The following RBM6 variants were observed in gnomAD, a reference collection of about 807,000 sequenced individuals.
The protein encoded by RBM6 is RNA-binding protein 6.
In RBM6, 23 loss-of-function variants were observed where a neutral mutation model predicts 140.4. The observed-to-expected ratio is 0.16, with a 90% CI of 0.12 to 0.23. The LOEUF (loss-of-function observed/expected upper bound fraction) is 0.23. RBM6 is among the 10% of genes least tolerant of loss of function. The probability of loss-of-function intolerance (pLI) is 1.00; values close to 1 mark genes in which losing one functional copy is unlikely to be tolerated. For missense variants in RBM6, 1,139 were observed against 1,386.7 expected, an observed-to-expected ratio of 0.82 and a Z score of 2.84; for synonymous variants, 439 against 475.6, an observed-to-expected ratio of 0.92 and a Z score of 1.00.
At chr3:50,067,479 A>T (rs141143559) in intron 17 of RBM6, among the ~76,000 whole-genome samples, 1 of 152,318 alleles carries the variant, frequency 6.6e-6, no homozygotes, top group Non-Finnish European at 1.5e-5. Context: ...GTTGGACCTC[A>T]GATAAGCCCC....
chr3:49,968,235 G>A lies in RBM6; in HGVS notation c.810G>A (p.Arg270=). The stretch of plus-strand genomic sequence containing the variant: ...GATCTAGGACTGATCAGGATTTTAG[G>A]GGCAGAGAGATGGGATCTTGTATGG... ...RHRSRTDQDF[R]GREMGSCMEF... is the part of the protein sequence containing the mutation. The change falls in exon 3 of 21, where the codon AGG becomes AGA. Residue 270 remains arginine, a synonymous_variant. Coordinates refer to ENST00000266022, the MANE Select transcript of RBM6 (RefSeq NM_005777.3). 1.2e-6 allele frequency: 2 copies of A among 1,614,096 alleles called. No individual in the cohort carries two copies. Among genetic ancestry groups the A allele is most frequent in the South Asian group, 1.1e-5 (1 of 91,068 alleles).
chr3:49,972,976 A>G (rs1485728346), intron 4 of RBM6, among the ~76,000 whole-genome samples: 1 of 151,998 alleles, frequency 6.6e-6, no homozygotes, highest in Admixed American at 6.6e-5. Flanking sequence ...GACTACAGGC[A>G]CACACCACCA....
rs538270159 is a variant in RBM6, at chr3:50,070,223, C to T, written c.3019-232C>T. ...TAGAAAAATTAGCTGGGCATTGTGG[C>T]ACTCACCTGTAGTCCCAGCTACTTG... On this transcript the variant is annotated intron_variant, in intron 18 of 20. Transcript: ENST00000266022. 5.9e-5 allele frequency among the ~76,000 whole-genome samples: 9 copies of T among 152,168 alleles called. No homozygotes were observed. In the South Asian group the frequency reaches 1.9e-3, roughly 32 times the overall value.
In RBM6 at chr3:50,054,395, G is replaced by C; in HGVS notation, c.1693G>C (p.Val565Leu). The C allele has an allele frequency of 6.2e-7, 1 of 1,610,286 alleles. No homozygotes were observed. The highest frequency in any genetic ancestry group is 8.5e-7 in the Non-Finnish European group (1 of 1,176,524). ...TTCATTCTGCAAGAACCCAAGAGAA[G>C]GTGAGTGGCGAAAGTGGTAGCAGTT... is the stretch of plus-strand genomic sequence containing the variant. The part of the protein sequence containing the change: ...SCSFCKNPRE[V>L]TEAKQELITY... The change falls in exon 8 of 21, where the codon GTG (valine) becomes CTG (leucine). Residue 565 changes from valine to leucine, a missense_variant and splice_region_variant. This residue lies in a region of RBM6 where 58 missense variants were observed against 99.7 expected (regional missense o/e 0.58). Transcript: ENST00000266022.
At chr3:50,030,461 C>T (rs1405997254) in intron 6 of RBM6, among the ~76,000 whole-genome samples, 1 of 152,028 alleles carries the variant, frequency 6.6e-6, no homozygotes, top group African/African-American at 2.4e-5. Context: ...ATTGTCATTT[C>T]TTATACCTTT....
chr3:49,981,434 A>T (rs571387513), intron 5 of RBM6: 1 of 152,194 alleles, frequency 6.6e-6, no homozygotes, highest in Non-Finnish European at 1.5e-5. Context: ...AGTCCTCCAG[A>T]TATTTTTAAT....
chr3:50,061,068 C>T, intron 12 of RBM6, 70 bp downstream of exon 12: 1 of 1,607,538 alleles, frequency 6.2e-7, no homozygotes. Flanking sequence ...CTTGAATTTT[C>T]TTTAGTGGGT....
At chr3:50,006,098 TC>T (rs1163760689) in intron 6 of RBM6, among the ~76,000 whole-genome samples, 25 of 151,910 alleles carry the variant, frequency 1.6e-4, no homozygotes, top group African/African-American at 6.0e-4. Context: ...TCTCACTGGT[TC>T]GCCCAGGCTG....
chr3:50,041,405 T>C (rs2088908891), intron 6 of RBM6, among the ~76,000 whole-genome samples: 1 of 152,220 alleles, frequency 6.6e-6, no homozygotes, highest in South Asian at 2.1e-4. Flanking sequence ...TGTACTTTCT[T>C]TCTTCCTCCA....
intron 5 of RBM6, among the ~76,000 whole-genome samples, chr3:49,984,417 G>A (rs1023963910): frequency 9.9e-5 from 15 of 152,166 alleles, no homozygotes; most frequent in African/African-American, 3.1e-4. Context: ...GACCAGCCTG[G>A]TCAATATGGC....
At chr3:50,060,377 C>G (rs952320071) in intron 11 of RBM6, among the ~76,000 whole-genome samples, 6 of 152,126 alleles carry the variant, frequency 3.9e-5, no homozygotes, top group Admixed American at 2.0e-4. Flanking sequence ...AACAGGCTTA[C>G]CAATATGGGG....
intron 6 of RBM6, among the ~76,000 whole-genome samples, chr3:50,015,515 C>T (rs2087092505): frequency 6.6e-6 from 1 of 151,500 alleles, no homozygotes; most frequent in African/African-American, 2.4e-5. Flanking sequence ...ACTGCAAGCT[C>T]CGCCTCCTGG....
chr3:50,073,392 A>G (rs1175418718), intron 19 of RBM6, among the ~76,000 whole-genome samples: 1 of 152,200 alleles, frequency 6.6e-6, no homozygotes, highest in Non-Finnish European at 1.5e-5. Context: ...AGCTTAGGCA[A>G]AAGAGGGGGT....
chr3:50,060,971 C>T lies in RBM6; in HGVS notation c.2244C>T (p.Asp748=). ...ATGKRRNDSG[D]HSDHMHYYQG... ...TCTGTTGCAGAAATGATTCTGGGGA[C>T]CATTCTGACCACATGCATTACTATC... The change falls in exon 12 of 21, where the codon GAC becomes GAT. Residue 748 remains aspartate (D), a synonymous_variant. Coordinates refer to ENST00000266022, the MANE Select transcript of RBM6 (RefSeq NM_005777.3). 1 of 1,574,604 alleles carries T rather than the reference C, an allele frequency of 6.4e-7. No individual in the cohort carries two copies.
chr3:49,950,003 A>T (rs1448608818), intron 1 of RBM6, among the ~76,000 whole-genome samples: 3 of 152,094 alleles, frequency 2.0e-5, no homozygotes, highest in African/African-American at 7.2e-5. Context: ...GATTACAGGC[A>T]TGAGCCACTG....
At chr3:50,009,807 C>G (rs1371271740) in intron 6 of RBM6, among the ~76,000 whole-genome samples, 1 of 152,148 alleles carries the variant, frequency 6.6e-6, no homozygotes, top group African/African-American at 2.4e-5. Context: ...TCAAGCAGTC[C>G]TGCCTCAGAC....
rs146465624 is a variant in RBM6, at chr3:49,997,179, C to T, written c.1484-2261C>T. Among the ~76,000 whole-genome samples, 499 of 148,802 alleles carry T rather than the reference C, an allele frequency of 3.4e-3. 4 individuals are homozygous for T. Among genetic ancestry groups the T allele is most frequent in the African/African-American group, 0.012 (488 of 40,398 alleles). Reference sequence around the variant, plus strand: ...CACAGAATACCTTTTTTTTTTTTAACGTTTTAGGCAGTATAGTTAAACCTT... The same window carrying T: ...CACAGAATACCTTTTTTTTTTTTAATGTTTTAGGCAGTATAGTTAAACCTT... On this transcript the variant is annotated intron_variant, in intron 5 of 20. Transcript: ENST00000266022.
chr3:50,010,967 A>G (rs1254899683), intron 6 of RBM6, among the ~76,000 whole-genome samples: 1 of 151,124 alleles, frequency 6.6e-6, no homozygotes, highest in Non-Finnish European at 1.5e-5. Context: ...GTCCAGATCT[A>G]AAATAAAGTA....
rs150968415 is a variant in RBM6 at position 49,952,158 on chromosome 3, C to A, written c.-66-10418C>A. Among the ~76,000 whole-genome samples the A allele has an allele frequency of 2.6e-3, 397 of 152,062 alleles. 1 individual carries two copies. The highest frequency in any genetic ancestry group is 9.1e-3 in the African/African-American group (377 of 41,500). On this transcript the variant is annotated intron_variant, in intron 1 of 20. Coordinates refer to ENST00000266022, the MANE Select transcript of RBM6 (RefSeq NM_005777.3). ...CAAGTGATTCTCCTGCCTCAGCCTCCCGAGTATATAGGACTACAGGTGTGT... is the reference window on the plus strand; with the variant it reads ...CAAGTGATTCTCCTGCCTCAGCCTCACGAGTATATAGGACTACAGGTGTGT...
Sources: allele counts gnomAD v4.1 joint callset (sites outside exome capture counted in the v4.1 genomes callset), GRCh38; gene constraint gnomAD v4.1.1; regional missense constraint gnomAD v4.1.1; transcripts MANE v1.5; gene names NCBI Gene and HGNC (gene_info 2026-07-23, HGNC 2026-07-21).